ELMO1: variants seen among roughly 807,000 people sequenced by gnomAD.
ELMO1 encodes engulfment and cell motility protein 1.
In ELMO1, 26 loss-of-function variants were observed where a neutral mutation model predicts 98.9. The ratio of observed to expected loss-of-function variants is 0.26; its 90% confidence interval spans 0.19 to 0.36. The LOEUF is 0.36. ELMO1 is among the 10% of genes least tolerant of loss of function. The pLI is 1.00. For synonymous variants in ELMO1, 346 were observed against 346.0 expected (o/e 1.00, Z 0.00); for missense variants, 627 against 935.2 (o/e 0.67, Z 4.30).
rs905018511 is a variant in ELMO1, at chr7:37,211,472, C to T, written c.1000G>A (p.Ala334Thr). ...IFELRRIAFD[A>T]ESEPNNSSGS... ...CTGCTGTTGTTAGGTTCAGACTCAG[C>T]ATCAAAAGCAATTCTTCGAAGTTCA... The change falls in exon 13 of 22, where the codon GCT (alanine) becomes ACT (threonine). Residue 334 changes from alanine to threonine, a missense_variant. Transcript: ENST00000310758. 1.2e-6 allele frequency: 2 copies of T among 1,613,962 alleles called. No individual in the cohort carries two copies. The highest frequency in any genetic ancestry group is 1.7e-6 in the Non-Finnish European group (2 of 1,179,958).
chr7:37,247,995 T>C (rs1795106366), intron 6 of ELMO1, among the ~76,000 whole-genome samples: 1 of 150,400 alleles, frequency 6.6e-6, no homozygotes, highest in Non-Finnish European at 1.5e-5. Context: ...ATGCTTATGG[T>C]TTTTATATGA....
intron 16 of ELMO1, among the ~76,000 whole-genome samples, chr7:36,936,484 G>A (rs986857244): frequency 2.6e-5 from 4 of 152,078 alleles, no homozygotes; most frequent in South Asian, 2.1e-4. Context: ...AGAGATGGGG[G>A]TCTCGCTCTG....
intron 4 of ELMO1, among the ~76,000 whole-genome samples, chr7:37,310,418 C>T (rs1798832186): frequency 1.3e-5 from 2 of 151,388 alleles, no homozygotes; most frequent in South Asian, 2.1e-4. Flanking sequence ...AGGCAATTTT[C>T]CTGTTTGTCT....
At chr7:37,142,627 A>G (rs1379279153) in intron 13 of ELMO1, among the ~76,000 whole-genome samples, 1 of 152,196 alleles carries the variant, frequency 6.6e-6, no homozygotes, top group East Asian at 1.9e-4. Flanking sequence ...TAGCATTTAG[A>G]CTTTACATAG....
intron 2 of ELMO1, among the ~76,000 whole-genome samples, chr7:37,333,057 C>T (rs1320277021): frequency 6.6e-6 from 1 of 152,124 alleles, no homozygotes; most frequent in African/African-American, 2.4e-5. Context: ...GATGGTGATG[C>T]CATTGACCCA....
At chr7:37,440,827 A>G (rs906239349) in intron 1 of ELMO1, among the ~76,000 whole-genome samples, 10 of 151,276 alleles carry the variant, frequency 6.6e-5, no homozygotes, top group African/African-American at 2.4e-4. Flanking sequence ...GGTGGACGGG[A>G]GTCAAATAAA....
intron 4 of ELMO1, 84 bp downstream of exon 4, chr7:37,314,766 T>C: frequency 1.5e-6 from 2 of 1,314,712 alleles, no homozygotes; most frequent in Non-Finnish European, 2.1e-6. Context: ...TAGACCTGCA[T>C]GTCTAGGCCC....
chr7:37,258,281 CA>C (rs111536368), intron 6 of ELMO1, among the ~76,000 whole-genome samples: 2 of 148,450 alleles, frequency 1.3e-5, no homozygotes, highest in Admixed American at 1.3e-4. Context: ...AAACAAAAAA[CA>C]AAAAAAAAAC....
intron 13 of ELMO1, among the ~76,000 whole-genome samples, chr7:37,139,455 A>G (rs976667389): frequency 6.6e-6 from 1 of 152,066 alleles, no homozygotes; most frequent in African/African-American, 2.4e-5. Flanking sequence ...AAATCACTCA[A>G]CCTCTTTCAC....
At chr7:37,141,265 C>T (rs923746504) in intron 13 of ELMO1, among the ~76,000 whole-genome samples, 1 of 152,184 alleles carries the variant, frequency 6.6e-6, no homozygotes, top group Admixed American at 6.5e-5. Context: ...GACTGTTAAT[C>T]TAAGTGAAGT....
At chr7:37,344,798 A>G (rs1800914515) in intron 1 of ELMO1, among the ~76,000 whole-genome samples, 1 of 152,254 alleles carries the variant, frequency 6.6e-6, no homozygotes, top group Non-Finnish European at 1.5e-5. Context: ...GAACATAAAG[A>G]GGAAAAGACA....
chr7:37,334,452 C>G (rs1385672385), intron 2 of ELMO1, among the ~76,000 whole-genome samples: 1 of 152,018 alleles, frequency 6.6e-6, no homozygotes, highest in African/African-American at 2.4e-5. Flanking sequence ...ATCTCAACAA[C>G]AAGAAAAAAA....
intron 16 of ELMO1, among the ~76,000 whole-genome samples, chr7:36,973,834 G>T (rs987575197): frequency 1.3e-5 from 2 of 152,224 alleles, no homozygotes; most frequent in African/African-American, 4.8e-5. Context: ...GCCCGCACTC[G>T]GAGCAGCCGG....
intron 16 of ELMO1, among the ~76,000 whole-genome samples, chr7:36,956,182 G>T (rs77483511): frequency 1.3e-5 from 2 of 152,300 alleles, no homozygotes; most frequent in South Asian, 4.1e-4. Flanking sequence ...TGTACTTCTT[G>T]CTTCTGCTTT....
chr7:36,980,387 T>C (rs1226815801), intron 16 of ELMO1, among the ~76,000 whole-genome samples: 1 of 152,176 alleles, frequency 6.6e-6, no homozygotes, highest in Non-Finnish European at 1.5e-5. Flanking sequence ...TTATTTTCAA[T>C]GGAACATGGG....
At chr7:36,959,642 A>G (rs1029377387) in intron 16 of ELMO1, among the ~76,000 whole-genome samples, 2 of 152,042 alleles carry the variant, frequency 1.3e-5, no homozygotes, top group African/African-American at 4.8e-5. Flanking sequence ...AATTGTCTTG[A>G]GCTCCCTCTC....
At chr7:37,161,891 C>T (rs1789226470) in intron 13 of ELMO1, among the ~76,000 whole-genome samples, 1 of 47,012 alleles carries the variant, frequency 2.1e-5, no homozygotes, top group Admixed American at 2.9e-4. Context: ...TTATAGAAAG[C>T]CTTCAGGTAA....
At chr7:37,402,528 C>T (rs1803580909) in intron 1 of ELMO1, among the ~76,000 whole-genome samples, 1 of 152,120 alleles carries the variant, frequency 6.6e-6, no homozygotes, top group Admixed American at 6.5e-5. Context: ...CAGCCGCCAT[C>T]TTAAGACCAT....
At chr7:37,092,304 T>C (rs1227224562) in intron 15 of ELMO1, among the ~76,000 whole-genome samples, 1 of 147,370 alleles carries the variant, frequency 6.8e-6, no homozygotes, top group Non-Finnish European at 1.5e-5. Context: ...CCTCCTCACC[T>C]AACTTTCAGT....
Sources: gnomAD v4.1 joint callset for allele counts (sites outside exome capture counted in the v4.1 genomes callset) on GRCh38, gnomAD v4.1.1 for gene constraint, MANE v1.5 for transcripts, NCBI Gene and HGNC (gene_info 2026-07-23, HGNC 2026-07-21) for gene names.